Variants in PCDH10 observed in about 807,000 individuals in gnomAD.
The protein encoded by PCDH10 is protocadherin 10.
Under a neutral mutation model 74.4 loss-of-function variants are expected in PCDH10, and 15 were observed. That is an observed-to-expected ratio of 0.20 (90% confidence interval 0.13 to 0.31). The LOEUF is 0.31. PCDH10 is among the 10% of genes least tolerant of loss of function. The pLI, the probability that PCDH10 is intolerant of heterozygous loss-of-function variation, is 1.00. For synonymous variants in PCDH10, 619 were observed against 589.8 expected (o/e 1.05, Z -0.72); for missense variants, 1,260 against 1,390.2 (o/e 0.91, Z 1.49).
At chr4:133,177,940 A>G (rs1445565795) in intron 4 of PCDH10, among the ~76,000 whole-genome samples, 1 of 152,132 alleles carries the variant, frequency 6.6e-6, no homozygotes, top group African/African-American at 2.4e-5. Flanking sequence ...CTTTGGGGCC[A>G]CTATTTAAGC....
chr4:133,183,344 C>T (rs1727460524), intron 4 of PCDH10, among the ~76,000 whole-genome samples: 1 of 151,834 alleles, frequency 6.6e-6, no homozygotes, highest in African/African-American at 2.4e-5. Context: ...TTGATTTACA[C>T]ATACACATAC....
At position 133,152,858 on chromosome 4, in the gene PCDH10, G is replaced by C. The variant is rs1387550174; in HGVS notation, c.2631+87G>C. Reference sequence around the variant, plus strand: ...CCGGCCCTTGTATCTCTGGTGCACTGTATCTATTTTTAGGATATTAGCTTA... The same window carrying C: ...CCGGCCCTTGTATCTCTGGTGCACTCTATCTATTTTTAGGATATTAGCTTA... On this transcript the variant is annotated intron_variant, in intron 1 of 4. Transcript: ENST00000264360. 2.6e-6 allele frequency: 4 copies of C among 1,559,644 alleles called. No homozygotes were observed. The South Asian group carries it at 3.7e-5, about 14-fold the overall frequency.
chr4:133,189,284 A>G (rs1006400363), intron 4 of PCDH10, among the ~76,000 whole-genome samples: 1 of 152,102 alleles, frequency 6.6e-6, no homozygotes, highest in Non-Finnish European at 1.5e-5. Context: ...CATTTTTGTT[A>G]TATGTCTGTT....
intron 4 of PCDH10, among the ~76,000 whole-genome samples, chr4:133,165,654 A>G (rs1258996413): frequency 6.6e-6 from 1 of 151,798 alleles, no homozygotes; most frequent in African/African-American, 2.4e-5. Flanking sequence ...ATGCAGTTTC[A>G]TAATGAATAT....
intron 4 of PCDH10, among the ~76,000 whole-genome samples, chr4:133,177,979 G>C (rs957708052): frequency 1.3e-5 from 2 of 152,132 alleles, no homozygotes; most frequent in Non-Finnish European, 2.9e-5. Flanking sequence ...AATGGATAGA[G>C]ACCAAGGGCA....
At chr4:133,152,910 G>A in intron 1 of PCDH10, 139 bp downstream of exon 1, 2 of 1,462,264 alleles carry the variant, frequency 1.4e-6, no homozygotes, top group South Asian at 1.5e-5. Flanking sequence ...AGCAGAGATG[G>A]GCGGTCACCT....
At chr4:133,181,780 G>A (rs1727423855) in intron 4 of PCDH10, among the ~76,000 whole-genome samples, 1 of 151,924 alleles carries the variant, frequency 6.6e-6, no homozygotes, top group African/African-American at 2.4e-5. Flanking sequence ...TTATGTTAGG[G>A]AAAATCTGAT....
intron 4 of PCDH10, among the ~76,000 whole-genome samples, chr4:133,168,288 G>A (rs188672755): frequency 1.7e-4 from 25 of 151,316 alleles, no homozygotes; most frequent in Non-Finnish European, 2.5e-4. Context: ...GGTCACTTCT[G>A]TAAGCAATTT....
chr4:133,154,769 G>A, intron 2 of PCDH10, 148 bp from the exon 3 acceptor site: 2 of 615,080 alleles, frequency 3.3e-6, no homozygotes, highest in Non-Finnish European at 5.7e-6. Context: ...GTTAAGCTTA[G>A]GCTATAAAAA....
rs1389110946 is a variant in PCDH10 at position 133,193,920 on chromosome 4, T to C, written c.*3760T>C. ...AAACAGAAAATAATGGAATTCCATA[T>C]TTTTTACACCATGGAGTAGTAAAAT... On this transcript the variant is annotated 3_prime_UTR_variant, in exon 5 of 5. Transcript: ENST00000264360. 1.3e-5 allele frequency: 2 copies of C among 151,718 alleles called. No individual in the cohort carries two copies. The highest frequency in any genetic ancestry group is 3.0e-5 in the Non-Finnish European group (2 of 67,690). 9.4% of individuals were successfully genotyped at this position (151,718 alleles called of 1,614,324 possible).
intron 4 of PCDH10, among the ~76,000 whole-genome samples, chr4:133,185,005 GAA>G (rs1317673346): frequency 6.8e-6 from 1 of 148,144 alleles, no homozygotes; most frequent in African/African-American, 2.4e-5. Context: ...TTATATGAAT[GAA>G]GAGTGCTTTT....
intron 4 of PCDH10, among the ~76,000 whole-genome samples, chr4:133,177,733 T>C (rs1727325030): frequency 6.6e-6 from 1 of 152,190 alleles, no homozygotes; most frequent in Admixed American, 6.5e-5. Flanking sequence ...AATATGCTTG[T>C]GAATGCAATT....
intron 4 of PCDH10, among the ~76,000 whole-genome samples, chr4:133,183,876 T>A (rs1727471596): frequency 1.3e-5 from 2 of 152,148 alleles, no homozygotes; most frequent in Admixed American, 1.3e-4. Context: ...CTCAACATGC[T>A]TCTCTCTTCT....
chr4:133,181,617 A>C (rs1727420046), intron 4 of PCDH10, among the ~76,000 whole-genome samples: 1 of 152,060 alleles, frequency 6.6e-6, no homozygotes, highest in Admixed American at 6.6e-5. Flanking sequence ...AGGGGTTATC[A>C]GAACGTGTAG....
chr4:133,175,246 T>C (rs7658208), intron 4 of PCDH10, among the ~76,000 whole-genome samples: 32,576 of 151,940 alleles, frequency 0.21, 3,721 homozygotes, highest in African/African-American at 0.25. Context: ...CAATTGGCCC[T>C]ATTATTTTTA....
At chr4:133,164,254 GC>G (rs1391592802) in intron 4 of PCDH10, among the ~76,000 whole-genome samples, 2 of 152,014 alleles carry the variant, frequency 1.3e-5, no homozygotes, top group African/African-American at 2.4e-5. Context: ...CAATTTGGAT[GC>G]TAATGTCTTA....
intron 4 of PCDH10, among the ~76,000 whole-genome samples, chr4:133,185,037 G>A (rs1033278018): frequency 6.7e-6 from 1 of 148,202 alleles, no homozygotes; most frequent in Non-Finnish European, 1.5e-5. Context: ...AAAAACTAGT[G>A]ATAGTATATT....
At chr4:133,203,135 C>T (rs765412734) in intron 2 of PCDH10, among the ~76,000 whole-genome samples, 4 of 151,964 alleles carry the variant, frequency 2.6e-5, no homozygotes, top group Non-Finnish European at 4.4e-5. Flanking sequence ...CAGTATGTGG[C>T]CAAAAATTGC....
intron 4 of PCDH10, among the ~76,000 whole-genome samples, chr4:133,184,780 A>AAATT: frequency 7.2e-6 from 1 of 138,506 alleles, no homozygotes; most frequent in African/African-American, 2.7e-5. Context: ...ATAAATATAT[A>AAATT]TATAAATATA....
Sources: gnomAD v4.1 joint callset for allele counts (sites outside exome capture counted in the v4.1 genomes callset) on GRCh38, gnomAD v4.1.1 for gene constraint, MANE v1.5 for transcripts, NCBI Gene and HGNC (gene_info 2026-07-23, HGNC 2026-07-21) for gene names.